The following BTLA variants were observed in gnomAD, a reference collection of about 807,000 sequenced individuals.
The protein encoded by BTLA is B and T lymphocyte associated.
A neutral mutation model predicts 25.0 loss-of-function variants in BTLA; 11 were observed. That is an observed-to-expected ratio of 0.44 (90% CI 0.28 to 0.73). The LOEUF is 0.73. BTLA is among the 30% of genes least tolerant of loss of function. The pLI is 0.15. For synonymous variants in BTLA, 104 were observed against 119.8 expected, an observed-to-expected ratio of 0.87 and a Z score of 0.86; for missense variants, 282 against 332.8, an observed-to-expected ratio of 0.85 and a Z score of 1.19.
intron 4 of BTLA, among the ~76,000 whole-genome samples, chr3:112,467,458 CA>C (rs1233768723): frequency 6.6e-6 from 1 of 152,178 alleles, no homozygotes; most frequent in Non-Finnish European, 1.5e-5. Flanking sequence ...TTTTTAAATT[CA>C]AGTTTTGCCC....
At chr3:112,493,662 C>T (rs1252829903) in intron 1 of BTLA, among the ~76,000 whole-genome samples, 2 of 152,184 alleles carry the variant, frequency 1.3e-5, no homozygotes, top group African/African-American at 4.8e-5. Flanking sequence ...CCACCACGCC[C>T]AGCTAATTTT....
intron 1 of BTLA, among the ~76,000 whole-genome samples, chr3:112,488,889 G>A (rs1191555341): frequency 1.3e-5 from 2 of 152,132 alleles, no homozygotes; most frequent in Admixed American, 6.5e-5. Flanking sequence ...TAGTATTACA[G>A]GCATGAGCCA....
intron 1 of BTLA, among the ~76,000 whole-genome samples, chr3:112,496,924 C>T (rs750706511): frequency 1.3e-5 from 2 of 152,150 alleles, no homozygotes; most frequent in Non-Finnish European, 2.9e-5. Flanking sequence ...GACGGGGTTT[C>T]ACCATGTTGA....
In BTLA at chr3:112,479,440, G is replaced by A. The variant is rs759565090; in HGVS notation, c.403+15C>T. Reference sequence around the variant, plus strand: ...ATAAGAAAAATATCAGATGGTCTAGGTGTTGAGAACTCACCTGTCACATAA... The same window carrying A: ...ATAAGAAAAATATCAGATGGTCTAGATGTTGAGAACTCACCTGTCACATAA... On this transcript the variant is annotated intron_variant, in intron 2 of 4. Transcript: ENST00000334529. The A allele has an allele frequency of 3.8e-6, 6 of 1,592,400 alleles. No individual in the cohort carries two copies. Among genetic ancestry groups the A allele is most frequent in the Admixed American group, 3.4e-5 (2 of 58,730 alleles).
At chr3:112,473,420 A>G (rs1282957547) in intron 2 of BTLA, among the ~76,000 whole-genome samples, 1 of 152,022 alleles carries the variant, frequency 6.6e-6, no homozygotes, top group Non-Finnish European at 1.5e-5. Context: ...CCTCTTCCCC[A>G]TTCCTTAAGC....
intron 1 of BTLA, among the ~76,000 whole-genome samples, chr3:112,490,690 G>A (rs1289373473): frequency 7.1e-6 from 1 of 140,632 alleles, no homozygotes; most frequent in African/African-American, 2.7e-5. Context: ...TTAATGCCAA[G>A]AATACACAGG....
At chr3:112,483,896 A>G (rs932842174) in intron 1 of BTLA, among the ~76,000 whole-genome samples, 4 of 152,036 alleles carry the variant, frequency 2.6e-5, no homozygotes, top group Non-Finnish European at 4.4e-5. Context: ...TGAACCCAGG[A>G]ACTGGAGGTT....
In BTLA at chr3:112,487,897, A is replaced by G. The variant is rs1030484823; in HGVS notation, c.89-8128T>C. On this transcript the variant is annotated intron_variant, in intron 1 of 4. Transcript: ENST00000334529. ...GAAGATAAATCTCTTTCTTCCTCCAAGCCAACCCCCAGGCAAATTTGGTCC... is the reference window on the plus strand; with the variant it reads ...GAAGATAAATCTCTTTCTTCCTCCAGGCCAACCCCCAGGCAAATTTGGTCC... Among the ~76,000 whole-genome samples the G allele has an allele frequency of 2.6e-5, 4 of 152,182 alleles. No individual in the cohort carries two copies. The East Asian group carries it at 7.7e-4, about 29-fold the overall frequency.
intron 2 of BTLA, among the ~76,000 whole-genome samples, chr3:112,474,838 G>A (rs991255041): frequency 6.6e-6 from 1 of 152,212 alleles, no homozygotes; most frequent in Non-Finnish European, 1.5e-5. Flanking sequence ...AAGGCCGTCA[G>A]GCTGCAATTG....
intron 4 of BTLA, 151 bp downstream of exon 4, chr3:112,469,607 G>GTGTATATATATA (rs1277321074): frequency 1.7e-5 from 1 of 58,356 alleles, no homozygotes. Context: ...ATGGGTCTAT[G>GTGTATATATATA]TATATATATA....
intron 1 of BTLA, among the ~76,000 whole-genome samples, chr3:112,496,380 G>T (rs2082409007): frequency 6.6e-6 from 1 of 152,132 alleles, no homozygotes; most frequent in African/African-American, 2.4e-5. Flanking sequence ...GCATACTTTT[G>T]TAATAAAGAA....
At chr3:112,482,197 T>G (rs908164942) in intron 1 of BTLA, among the ~76,000 whole-genome samples, 2 of 152,250 alleles carry the variant, frequency 1.3e-5, no homozygotes, top group Non-Finnish European at 2.9e-5. Flanking sequence ...TTTCTTTCTA[T>G]GTTTTGAACT....
chr3:112,472,280 C>A (rs1043928523), intron 2 of BTLA, among the ~76,000 whole-genome samples: 11 of 152,054 alleles, frequency 7.2e-5, no homozygotes, highest in African/African-American at 2.7e-4. Flanking sequence ...TTAAGTATGA[C>A]CTTATGAAAC....
chr3:112,483,746 T>A (rs1445763330), intron 1 of BTLA, among the ~76,000 whole-genome samples: 3 of 151,836 alleles, frequency 2.0e-5, no homozygotes, highest in Non-Finnish European at 2.9e-5. Flanking sequence ...GGGAGGTGGA[T>A]CACCTGAGGT....
At chr3:112,496,347 A>G (rs948316357) in intron 1 of BTLA, among the ~76,000 whole-genome samples, 2 of 152,212 alleles carry the variant, frequency 1.3e-5, no homozygotes, top group African/African-American at 4.8e-5. Context: ...CTAATTTTTT[A>G]GAGAAACACA....
chr3:112,495,755 C>A (rs765133854), intron 1 of BTLA, among the ~76,000 whole-genome samples: 45 of 152,282 alleles, frequency 3.0e-4, no homozygotes, highest in Non-Finnish European at 5.6e-4. Context: ...TACTGTGCTA[C>A]AAAACCTGAA....
chr3:112,479,738 T>C lies in BTLA; in HGVS notation c.120A>G (p.Ile40Met), dbSNP rs1331827021. Reference sequence around the variant, plus strand: ...AGATGGAGTGTTCAGATTGTCTCTTTATATAAAGCTGTACATCACATGATT... The same window carrying C: ...AGATGGAGTGTTCAGATTGTCTCTTCATATAAAGCTGTACATCACATGATT... ...GKESCDVQLY[I>M]KRQSEHSILA... is the part of the protein sequence containing the mutation. The change falls in exon 2 of 5, where the codon ATA (isoleucine) becomes ATG (methionine). Residue 40 changes from isoleucine to methionine, a missense_variant. Ile to Met is a conservative substitution (Grantham distance 10). This residue lies in a region of BTLA where 163 missense variants were observed against 230.4 expected (regional missense o/e 0.71). Coordinates refer to ENST00000334529, the MANE Select transcript of BTLA (RefSeq NM_181780.4). 6.2e-7 allele frequency: 1 copy of C among 1,611,326 alleles called. No homozygotes were observed.
At chr3:112,483,710 G>A (rs1289692281) in intron 1 of BTLA, among the ~76,000 whole-genome samples, 1 of 151,588 alleles carries the variant, frequency 6.6e-6, no homozygotes, top group Non-Finnish European at 1.5e-5. Flanking sequence ...GCTCACGCCT[G>A]TAATCCCAGC....
At chr3:112,495,986 C>G (rs999136230) in intron 1 of BTLA, among the ~76,000 whole-genome samples, 1 of 152,226 alleles carries the variant, frequency 6.6e-6, no homozygotes, top group African/African-American at 2.4e-5. Context: ...CTTTCCCTTA[C>G]TGAACCAGAC....
Sources: gnomAD v4.1 joint callset for allele counts (sites outside exome capture counted in the v4.1 genomes callset) on GRCh38, gnomAD v4.1.1 for gene constraint, gnomAD v4.1.1 regional missense constraint, MANE v1.5 for transcripts, NCBI Gene and HGNC (gene_info 2026-07-23, HGNC 2026-07-21) for gene names.